KIF21A: variants seen among roughly 807,000 people sequenced by gnomAD.
KIF21A encodes the protein kinesin-like protein KIF21A.
A neutral mutation model predicts 202.9 loss-of-function variants in KIF21A; 114 were observed. The ratio of observed to expected loss-of-function variants is 0.56; its 90% CI spans 0.48 to 0.66. KIF21A has a LOEUF of 0.66. Ranked by LOEUF, KIF21A falls within the 30% of genes least tolerant of loss-of-function variation. The probability of loss-of-function intolerance (pLI) is 0.00; values close to 1 mark genes in which losing one functional copy is unlikely to be tolerated. For missense variants in KIF21A, 1,677 were observed against 1,994.9 expected, an observed-to-expected ratio of 0.84 and a Z score of 3.04; for synonymous variants, 667 against 670.8, an observed-to-expected ratio of 0.99 and a Z score of 0.09.
At chr12:39,396,666 G>A (rs1053535577) in intron 1 of KIF21A, among the ~76,000 whole-genome samples, 1 of 152,162 alleles carries the variant, frequency 6.6e-6, no homozygotes, top group Non-Finnish European at 1.5e-5. Flanking sequence ...TTATAGAGAA[G>A]AAAAGTCAAG....
At chr12:39,298,415 A>G (rs1942624768) in intron 37 of KIF21A, among the ~76,000 whole-genome samples, 1 of 152,210 alleles carries the variant, frequency 6.6e-6, no homozygotes, top group Admixed American at 6.5e-5. Context: ...CCAGGGAGCT[A>G]TATATTGAAA....
At chr12:39,316,628 T>A (rs1306694558) in intron 29 of KIF21A, among the ~76,000 whole-genome samples, 1 of 152,094 alleles carries the variant, frequency 6.6e-6, no homozygotes, top group Non-Finnish European at 1.5e-5. Flanking sequence ...AGAAAATCTA[T>A]TCGACTGTAC....
At chr12:39,422,715 T>C (rs1449755387) in intron 1 of KIF21A, among the ~76,000 whole-genome samples, 1 of 152,214 alleles carries the variant, frequency 6.6e-6, no homozygotes, top group Non-Finnish European at 1.5e-5. Flanking sequence ...ATCAAACTAC[T>C]GTTCACCAAA....
intron 12 of KIF21A, among the ~76,000 whole-genome samples, chr12:39,346,260 A>ATC (rs1947882372): frequency 6.6e-6 from 1 of 152,094 alleles, no homozygotes. Context: ...TAATTCAAGT[A>ATC]TCTAGTGAAG....
chr12:39,323,428 T>C (rs189829327), intron 26 of KIF21A, among the ~76,000 whole-genome samples: 1 of 152,346 alleles, frequency 6.6e-6, no homozygotes, highest in East Asian at 1.9e-4. Flanking sequence ...AATTTCTTTT[T>C]CTAATACAAT....
intron 37 of KIF21A, 38 bp from the exon 38 acceptor site, chr12:39,294,555 G>C (rs769446838): frequency 1.5e-5 from 21 of 1,447,768 alleles, no homozygotes; most frequent in Non-Finnish European, 2.0e-5. Context: ...ATATGAACAA[G>C]GGCAGAAAGA....
At chr12:39,371,222 G>C (rs896450478) in intron 1 of KIF21A, among the ~76,000 whole-genome samples, 1 of 152,144 alleles carries the variant, frequency 6.6e-6, no homozygotes, top group Non-Finnish European at 1.5e-5. Context: ...AATATGGAGA[G>C]TTGACTGTGT....
intron 1 of KIF21A, among the ~76,000 whole-genome samples, chr12:39,441,346 C>A (rs1282392218): frequency 6.6e-6 from 1 of 152,052 alleles, no homozygotes; most frequent in Non-Finnish European, 1.5e-5. Context: ...AAATCTCAAA[C>A]GTCTAAAAAC....
At chr12:39,360,163 A>G (rs1949096115) in intron 7 of KIF21A, among the ~76,000 whole-genome samples, 1 of 152,214 alleles carries the variant, frequency 6.6e-6, no homozygotes, top group Non-Finnish European at 1.5e-5. Flanking sequence ...TATAAATTTC[A>G]AGAATGATTC....
At chr12:39,349,904 T>A (rs1407543252) in intron 11 of KIF21A, among the ~76,000 whole-genome samples, 1 of 152,020 alleles carries the variant, frequency 6.6e-6, no homozygotes, top group African/African-American at 2.4e-5. Context: ...ACAAATTATA[T>A]AGGTGTCAGT....
At chr12:39,423,866 C>A (rs1039288261) in intron 1 of KIF21A, among the ~76,000 whole-genome samples, 5 of 151,550 alleles carry the variant, frequency 3.3e-5, no homozygotes, top group Non-Finnish European at 7.4e-5. Flanking sequence ...TGCCTGTAGT[C>A]CTGGCTACTC....
At chr12:39,343,014 A>G (rs545012381) in intron 12 of KIF21A, among the ~76,000 whole-genome samples, 2 of 152,316 alleles carry the variant, frequency 1.3e-5, no homozygotes, top group Admixed American at 6.5e-5. Flanking sequence ...CACTAGACTC[A>G]CATATTTAAT....
At chr12:39,380,849 G>A (rs1051868487) in intron 1 of KIF21A, among the ~76,000 whole-genome samples, 1 of 152,118 alleles carries the variant, frequency 6.6e-6, no homozygotes, top group Non-Finnish European at 1.5e-5. Flanking sequence ...CTCATTCTCA[G>A]ATTAGTTTCT....
chr12:39,314,542 T>C (rs997520932), intron 31 of KIF21A, among the ~76,000 whole-genome samples: 2 of 151,852 alleles, frequency 1.3e-5, no homozygotes, highest in Non-Finnish European at 3.0e-5. Context: ...AAAAAGCTGA[T>C]TGTAAGAAAA....
chr12:39,311,633 T>C (rs1468045729), intron 31 of KIF21A, 80 bp from the exon 32 acceptor site: 5 of 1,448,962 alleles, frequency 3.5e-6, no homozygotes, highest in Admixed American at 3.5e-5. Context: ...TTTGTTTTTT[T>C]CCCCTAACTT....
chr12:39,344,178 T>C (rs575222731), intron 12 of KIF21A, among the ~76,000 whole-genome samples: 6 of 152,322 alleles, frequency 3.9e-5, no homozygotes, highest in Non-Finnish European at 7.4e-5. Context: ...TTTTATGTGA[T>C]ATACTGAATG....
Position 39,330,738 on chromosome 12 carries a change from C to T in KIF21A, c.3319+8G>A. ...AAATTCATTCAACTAAAATTGAGAG[C>T]AAATTACCTTGTAAAGCATGGCCTA... On this transcript the variant is annotated splice_region_variant and intron_variant, in intron 23 of 37. Transcript: ENST00000361418. 6.2e-7 allele frequency: 1 copy of T among 1,613,522 alleles called. No individual in the cohort carries two copies. The highest frequency in any genetic ancestry group is 2.2e-5 in the East Asian group (1 of 44,854).
chr12:39,435,730 C>A (rs1387284606), intron 1 of KIF21A, among the ~76,000 whole-genome samples: 1 of 145,572 alleles, frequency 6.9e-6, no homozygotes. Flanking sequence ...GTGCCATAAT[C>A]CTTTAGTCTG....
intron 1 of KIF21A, among the ~76,000 whole-genome samples, chr12:39,370,668 A>C (rs958560354): frequency 7.9e-5 from 12 of 152,100 alleles, no homozygotes; most frequent in African/African-American, 2.9e-4. Context: ...AAAATAAAAA[A>C]GCAAGGACAT....
Sources: gnomAD v4.1 joint callset for allele counts (sites outside exome capture counted in the v4.1 genomes callset) on GRCh38, gnomAD v4.1.1 for gene constraint, MANE v1.5 for transcripts, NCBI Gene and HGNC (gene_info 2026-07-23, HGNC 2026-07-21) for gene names.